The following LYZL6 variants were observed in gnomAD, a reference collection of about 807,000 sequenced individuals.
LYZL6 encodes the protein lysozyme-like protein 6.
LYZL6 carries 21 observed loss-of-function variants against 15.0 expected under a neutral mutation model. The observed-to-expected ratio is 1.40, with a 90% CI of 1.00 to 2.02. LYZL6 has a LOEUF of 2.02. LYZL6 is among the 30% of genes most tolerant of loss of function. The pLI, the probability that LYZL6 is intolerant of heterozygous loss-of-function variation, is 0.00. For synonymous variants in LYZL6, 72 were observed against 67.8 expected, an observed-to-expected ratio of 1.06 and a Z score of -0.31; for missense variants, 173 against 180.5, an observed-to-expected ratio of 0.96 and a Z score of 0.24.
chr17:35,936,036 A>G (rs1190690113), intron 4 of LYZL6, among the ~76,000 whole-genome samples: 7 of 151,718 alleles, frequency 4.6e-5, no homozygotes, highest in Non-Finnish European at 1.0e-4. Flanking sequence ...GCTGGTCTCG[A>G]ACTCCTGACC....
chr17:35,940,135 C>G (rs1271679384), intron 1 of LYZL6, among the ~76,000 whole-genome samples: 3 of 152,066 alleles, frequency 2.0e-5, no homozygotes, highest in Admixed American at 6.6e-5. Context: ...AGCAAGGGCC[C>G]TAGATTCACA....
intron 1 of LYZL6, among the ~76,000 whole-genome samples, chr17:35,942,800 T>C (rs764597179): frequency 3.3e-5 from 5 of 152,124 alleles, no homozygotes; most frequent in Non-Finnish European, 5.9e-5. Flanking sequence ...CCTTTCTCTT[T>C]AGGCGCGCTA....
At position 35,943,522 on chromosome 17, in the gene LYZL6, G is replaced by C. The variant is rs1193632616; in HGVS notation, c.-203+45C>G. 4 of 152,198 alleles carry C rather than the reference G, an allele frequency of 2.6e-5. No homozygotes were observed. The South Asian group carries it at 6.2e-4, about 24-fold the overall frequency. The allele number at this position is 152,198 out of a possible 1,614,324, so 9.4% of individuals were successfully genotyped here. On this transcript the variant is annotated intron_variant, in intron 1 of 4. Coordinates refer to ENST00000615905, the MANE Select transcript of LYZL6 (RefSeq NM_020426.4). Reference sequence around the variant, plus strand: ...CCCCTCTCAGGGTCCCCTCAAGGAAGACAGTGGCTCCAGAAGGTATGTTCC... The same window carrying C: ...CCCCTCTCAGGGTCCCCTCAAGGAACACAGTGGCTCCAGAAGGTATGTTCC...
chr17:35,936,275 A>C (rs991299820), intron 4 of LYZL6, among the ~76,000 whole-genome samples: 3 of 152,238 alleles, frequency 2.0e-5, no homozygotes, highest in Non-Finnish European at 4.4e-5. Context: ...AGGAACTTGG[A>C]CTGGGACTGA....
At chr17:35,938,059 A>C in intron 2 of LYZL6, 143 bp from the exon 3 acceptor site, 2 of 714,832 alleles carry the variant, frequency 2.8e-6, no homozygotes. Flanking sequence ...TGAAATCTCC[A>C]TTGACTTGCC....
intron 3 of LYZL6, among the ~76,000 whole-genome samples, 200 bp from the exon 4 acceptor site, chr17:35,937,033 G>A (rs1047590352): frequency 3.9e-5 from 6 of 152,184 alleles, no homozygotes; most frequent in African/African-American, 1.4e-4. Flanking sequence ...GGCAGAAGGG[G>A]CAAGAGGCCT....
chr17:35,939,217 C>T lies in LYZL6; in HGVS notation c.139+1G>A. 2 of 1,613,362 alleles carry T rather than the reference C, an allele frequency of 1.2e-6. No homozygotes were observed. Among genetic ancestry groups the T allele is most frequent in the Non-Finnish European group, 8.5e-7 (1 of 1,179,466 alleles). The stretch of plus-strand genomic sequence containing the variant: ...GCTGGGGAGGGGCGGATGGTACTCA[C>T]AGTCACTCAGGGAGTAACCCTCAAA... On this transcript the variant is annotated splice_donor_variant, in intron 2 of 4. Coordinates refer to ENST00000615905, the MANE Select transcript of LYZL6 (RefSeq NM_020426.4). LOFTEE classifies it high-confidence loss of function.
intron 2 of LYZL6, 115 bp from the exon 3 acceptor site, chr17:35,938,031 A>G: frequency 1.0e-6 from 1 of 971,456 alleles, no homozygotes; most frequent in East Asian, 2.5e-5. Flanking sequence ...CTGGGAGGCA[A>G]GATAGGACTA....
intron 3 of LYZL6, among the ~76,000 whole-genome samples, chr17:35,937,193 G>A (rs1455282794): frequency 3.3e-5 from 5 of 152,218 alleles, no homozygotes; most frequent in Non-Finnish European, 2.9e-5. Context: ...GCGAGGAGCC[G>A]AGGGACATCG....
chr17:35,937,929 A>C lies in LYZL6; in HGVS notation c.140-13T>G. 1 of 1,609,888 alleles carries C rather than the reference A, an allele frequency of 6.2e-7. No homozygotes were observed. Among genetic ancestry groups the C allele is most frequent in the East Asian group, 2.2e-5 (1 of 44,864 alleles). On this transcript the variant is annotated splice_polypyrimidine_tract_variant and intron_variant, in intron 2 of 4. Coordinates refer to ENST00000615905, the MANE Select transcript of LYZL6 (RefSeq NM_020426.4). The stretch of plus-strand genomic sequence containing the variant: ...GCCAGGCACAGCCCTTAGAGTAGGG[A>C]GAAGAAGGTCAGGATTTAGAGGGGA...
At chr17:35,936,605 C>A in intron 4 of LYZL6, 150 bp downstream of exon 4, 1 of 640,306 alleles carries the variant, frequency 1.6e-6, no homozygotes, top group Non-Finnish European at 2.8e-6. Context: ...CATAGAAGAA[C>A]CAGATCTCAG....
chr17:35,936,718 G>C (rs751370481), intron 4 of LYZL6, 37 bp downstream of exon 4: 19 of 1,586,974 alleles, frequency 1.2e-5, no homozygotes, highest in Non-Finnish European at 1.6e-5. Flanking sequence ...CTCCTTCGTG[G>C]GGCTCTGCCC....
At chr17:35,942,057 C>T (rs2089428247) in intron 1 of LYZL6, among the ~76,000 whole-genome samples, 1 of 152,348 alleles carries the variant, frequency 6.6e-6, no homozygotes, top group South Asian at 2.1e-4. Flanking sequence ...ATGCAATATT[C>T]CGTCCAGGGA....
chr17:35,934,776 CG>C lies in LYZL6; in HGVS notation c.*19del, dbSNP rs767164812. 1.2e-6 allele frequency: 2 copies of C among 1,610,810 alleles called. No individual in the cohort carries two copies. Among genetic ancestry groups the C allele is most frequent in the Admixed American group, 3.3e-5 (2 of 59,994 alleles). ...GGACAGGAGTCTTGGAATGACTCCA[CG>C]GTGCACCCGCACCCTGTTTCATCTC... On this transcript the variant is annotated 3_prime_UTR_variant, in exon 5 of 5. Transcript: ENST00000615905.
chr17:35,935,032 A>T (rs760188432), intron 4 of LYZL6, among the ~76,000 whole-genome samples, 167 bp from the exon 5 acceptor site: 50 of 150,440 alleles, frequency 3.3e-4, no homozygotes, highest in South Asian at 4.2e-4. Flanking sequence ...ATCCTGTAAA[A>T]CTCTCTCATC....
chr17:35,941,322 G>C (rs1374939902), intron 1 of LYZL6, among the ~76,000 whole-genome samples: 1 of 152,100 alleles, frequency 6.6e-6, no homozygotes. Context: ...AGAACCTTTG[G>C]CCAGTTTCAA....
chr17:35,934,601 C>A lies in LYZL6; in HGVS notation c.*195G>T. 1.8e-6 allele frequency: 1 copy of A among 558,356 alleles called. No individual in the cohort carries two copies. The highest frequency in any genetic ancestry group is 3.2e-6 in the Non-Finnish European group (1 of 315,432). 34.6% of individuals were successfully genotyped at this position (558,356 alleles called of 1,614,324 possible). ...TCAGTTTACAAATAACAGACAGGAA[C>A]CAGGGGACTGGGTCCAGATGGGAGT... is the stretch of plus-strand genomic sequence containing the variant. On this transcript the variant is annotated 3_prime_UTR_variant, in exon 5 of 5. Coordinates refer to ENST00000615905, the MANE Select transcript of LYZL6 (RefSeq NM_020426.4).
intron 1 of LYZL6, among the ~76,000 whole-genome samples, chr17:35,941,435 G>A (rs1488716710): frequency 2.0e-5 from 3 of 151,938 alleles, no homozygotes; most frequent in Non-Finnish European, 4.4e-5. Flanking sequence ...CATTCTGTGG[G>A]TTGCCTTTCA....
Position 35,934,779 on chromosome 17 carries a change from T to C in LYZL6, c.*17A>G. 6.2e-7 allele frequency: 1 copy of C among 1,613,540 alleles called. No individual in the cohort carries two copies. The highest frequency in any genetic ancestry group is 8.5e-7 in the Non-Finnish European group (1 of 1,179,574). On this transcript the variant is annotated 3_prime_UTR_variant, in exon 5 of 5. Transcript: ENST00000615905. ...CAGGAGTCTTGGAATGACTCCACGG[T>C]GCACCCGCACCCTGTTTCATCTCAG...
Sources: allele counts gnomAD v4.1 joint callset (sites outside exome capture counted in the v4.1 genomes callset), GRCh38; gene constraint gnomAD v4.1.1; transcripts MANE v1.5; gene names NCBI Gene and HGNC (gene_info 2026-07-23, HGNC 2026-07-21).